The following RABEP1 variants were observed in gnomAD, a reference collection of about 807,000 sequenced individuals.
RABEP1 encodes the protein rabaptin, RAB GTPase binding effector protein 1.
RABEP1 carries 51 observed loss-of-function variants against 123.4 expected under a neutral mutation model. That is an observed-to-expected ratio of 0.41 (90% CI 0.33 to 0.52). The LOEUF (loss-of-function observed/expected upper bound fraction) is 0.52. Among genes scored for constraint, RABEP1 ranks in the 20% least tolerant of loss-of-function variants. The pLI is 0.16. For missense variants in RABEP1, 888 were observed against 996.3 expected (o/e 0.89, Z 1.46); for synonymous variants, 347 against 355.2 (o/e 0.98, Z 0.26).
rs373381351 is a variant in RABEP1, at chr17:5,337,067, A to G, written c.529-952A>G. Among the ~76,000 whole-genome samples the G allele has an allele frequency of 4.6e-5, 7 of 152,332 alleles. No individual in the cohort carries two copies. In the South Asian group the frequency reaches 1.0e-3, roughly 23 times the overall value. ...TCTCTGCGTGTAAGTGTATGTGTAT[A>G]TAAGAAATGAAAATTCATTTTCTCA... On this transcript the variant is annotated intron_variant, in intron 4 of 17. Coordinates refer to ENST00000537505, the MANE Select transcript of RABEP1 (RefSeq NM_004703.6).
chr17:5,340,210 A>T (rs990773397), intron 5 of RABEP1, among the ~76,000 whole-genome samples: 1 of 152,242 alleles, frequency 6.6e-6, no homozygotes, highest in African/African-American at 2.4e-5. Context: ...ATGGTATCGC[A>T]TACAGTACTA....
chr17:5,337,198 A>G (rs1265120379), intron 4 of RABEP1, among the ~76,000 whole-genome samples: 1 of 152,186 alleles, frequency 6.6e-6, no homozygotes, highest in African/African-American at 2.4e-5. Flanking sequence ...TGTTTGTTTC[A>G]TTTAGATGGT....
intron 5 of RABEP1, among the ~76,000 whole-genome samples, chr17:5,341,247 C>T (rs903618402): frequency 7.9e-5 from 12 of 151,998 alleles, no homozygotes; most frequent in African/African-American, 2.2e-4. Context: ...CTCCACTGCA[C>T]GCCAGCCTGG....
intron 1 of RABEP1, among the ~76,000 whole-genome samples, chr17:5,305,341 A>G (rs995241604): frequency 5.3e-5 from 8 of 152,184 alleles, no homozygotes; most frequent in African/African-American, 1.7e-4. Context: ...AGAACTGAAC[A>G]CTGTCCTGAA....
In RABEP1 at chr17:5,381,686, C is replaced by A. The variant is rs1911472507; in HGVS notation, c.2487+181C>A. 7.4e-6 allele frequency: 8 copies of A among 1,081,516 alleles called. No homozygotes were observed. The African/African-American group carries it at 1.1e-4, about 15-fold the overall frequency. 67.0% of individuals were successfully genotyped at this position (1,081,516 alleles called of 1,614,324 possible). A position where few individuals can be genotyped will look rare whatever the true frequency, so the allele number is the denominator to read the frequency against. On this transcript the variant is annotated intron_variant, in intron 17 of 17. Transcript: ENST00000537505. The stretch of plus-strand genomic sequence containing the variant: ...AACCTGGTGTGTTCTTCACACTTGG[C>A]CCATTTTTCTTTTTCTGTATGCCTT...
intron 5 of RABEP1, among the ~76,000 whole-genome samples, chr17:5,345,452 A>G (rs1304603233): frequency 6.6e-6 from 1 of 152,186 alleles, no homozygotes; most frequent in Non-Finnish European, 1.5e-5. Flanking sequence ...TCATCTTCCC[A>G]GGGTCCTGCT....
intron 7 of RABEP1, among the ~76,000 whole-genome samples, 185 bp downstream of exon 7, chr17:5,350,814 C>A (rs1402192925): frequency 1.3e-5 from 2 of 152,012 alleles, no homozygotes; most frequent in Non-Finnish European, 2.9e-5. Flanking sequence ...TTAGAAATGG[C>A]CTCCTCTCGG....
At chr17:5,360,585 C>T (rs965340467) in intron 8 of RABEP1, among the ~76,000 whole-genome samples, 1 of 152,114 alleles carries the variant, frequency 6.6e-6, no homozygotes, top group South Asian at 2.1e-4. Context: ...ATACTACGTT[C>T]TCGTCATTTC....
intron 7 of RABEP1, among the ~76,000 whole-genome samples, chr17:5,353,518 A>G (rs1908746073): frequency 6.6e-6 from 1 of 152,206 alleles, no homozygotes; most frequent in Non-Finnish European, 1.5e-5. Flanking sequence ...ATTCATATAC[A>G]TTTGTTAATG....
intron 2 of RABEP1, among the ~76,000 whole-genome samples, chr17:5,322,246 T>C (rs1905439441): frequency 6.6e-6 from 1 of 152,140 alleles, no homozygotes; most frequent in African/African-American, 2.4e-5. Flanking sequence ...TAGTCCCAGC[T>C]ACTTGGGAGG....
At chr17:5,288,216 G>T (rs1421493147) in intron 1 of RABEP1, among the ~76,000 whole-genome samples, 1 of 151,958 alleles carries the variant, frequency 6.6e-6, no homozygotes, top group African/African-American at 2.4e-5. Flanking sequence ...GAGATCTGAT[G>T]GATGAGCAGG....
intron 11 of RABEP1, 129 bp from the exon 12 acceptor site, chr17:5,368,241 A>G (rs1378761010): frequency 1.5e-6 from 1 of 660,248 alleles, no homozygotes; most frequent in Non-Finnish European, 2.6e-6. Flanking sequence ...CAGCTGTTGG[A>G]TGATGGTCAG....
At chr17:5,290,120 C>G (rs999103361) in intron 1 of RABEP1, among the ~76,000 whole-genome samples, 4 of 152,186 alleles carry the variant, frequency 2.6e-5, no homozygotes, top group African/African-American at 4.8e-5. Context: ...TGGAGTCTCG[C>G]TCTGTCGCCC....
At chr17:5,304,539 G>A (rs372336072) in intron 1 of RABEP1, among the ~76,000 whole-genome samples, 1 of 151,052 alleles carries the variant, frequency 6.6e-6, no homozygotes, top group African/African-American at 2.4e-5. Context: ...CCAAGATTGC[G>A]CCACTGCACT....
intron 1 of RABEP1, among the ~76,000 whole-genome samples, chr17:5,288,701 ATTTCT>A (rs1198888100): frequency 7.3e-6 from 1 of 137,002 alleles, no homozygotes; most frequent in African/African-American, 2.8e-5. Context: ...GGCCTATTTT[ATTTCT>A]TTTCTTTATT....
intron 6 of RABEP1, among the ~76,000 whole-genome samples, chr17:5,348,665 A>G (rs1224837336): frequency 6.6e-6 from 1 of 151,888 alleles, no homozygotes; most frequent in Non-Finnish European, 1.5e-5. Flanking sequence ...GGTTCACGCC[A>G]TTCTCCTGTC....
chr17:5,357,861 A>C (rs752712991), intron 8 of RABEP1, among the ~76,000 whole-genome samples: 2 of 152,180 alleles, frequency 1.3e-5, no homozygotes, highest in Non-Finnish European at 2.9e-5. Flanking sequence ...CATGGGCCAT[A>C]GCTATTATTG....
intron 6 of RABEP1, among the ~76,000 whole-genome samples, chr17:5,349,081 C>T (rs1432681429): frequency 6.6e-6 from 1 of 152,198 alleles, no homozygotes; most frequent in Non-Finnish European, 1.5e-5. Context: ...CACTAATCTA[C>T]TTTCTATCTC....
Position 5,335,271 on chromosome 17 carries a change from G to A in RABEP1, c.455G>A (p.Arg152Lys). 2 of 1,613,878 alleles carry A rather than the reference G, an allele frequency of 1.2e-6. No individual in the cohort carries two copies. Among genetic ancestry groups the A allele is most frequent in the South Asian group, 1.1e-5 (1 of 91,066 alleles). Residue 152 changes from arginine (R) to lysine (K), a missense_variant, in exon 4 of 18, where the codon AGG (arginine) becomes AAG (lysine). Arg to Lys is a conservative substitution (Grantham distance 26, BLOSUM62 2). Coordinates refer to ENST00000537505, the MANE Select transcript of RABEP1 (RefSeq NM_004703.6). ...QWAQYRESAE[R>K]EIADLRRRLS... is the part of the protein sequence containing the mutation. ...GCACAGTATAGAGAATCCGCAGAGA[G>A]GGAAATAGCTGATTTAAGAAGAAGG...
Sources: gnomAD v4.1 joint callset for allele counts (sites outside exome capture counted in the v4.1 genomes callset) on GRCh38, gnomAD v4.1.1 for gene constraint, MANE v1.5 for transcripts, NCBI Gene and HGNC (gene_info 2026-07-23, HGNC 2026-07-21) for gene names.